The following DOK3 variants were observed in gnomAD, a reference collection of about 807,000 sequenced individuals.
The protein encoded by DOK3 is Dok-like protein.
DOK3 carries 23 observed loss-of-function variants against 26.2 expected under a neutral mutation model. The observed-to-expected ratio is 0.88, with a 90% CI of 0.63 to 1.24. The LOEUF is 1.24. Among genes scored for constraint, DOK3 ranks in the 50% most tolerant of loss-of-function variants. The probability of loss-of-function intolerance (pLI) is 0.00; values close to 1 mark genes in which losing one functional copy is unlikely to be tolerated. For missense variants in DOK3, 619 were observed against 610.6 expected (o/e 1.01, Z -0.15); for synonymous variants, 268 against 268.2 (o/e 1.00, Z 0.01).
chr5:177,508,472 C>T lies in DOK3; in HGVS notation c.137G>A (p.Trp46Ter), dbSNP rs1438896537. The part of the protein sequence containing the change: ...GPSGVARLES[W>*]EVRDGGLGAA... ...TCCCAGGCCACCATCCCGGACCTCC[C>T]AGCTCTCCAGCCGTGCCACGCCTGA... Residue 46 changes from tryptophan to a stop codon, truncating the protein, a stop_gained, in exon 3 of 6, where the codon TGG (tryptophan) becomes TAG (stop). Transcript: ENST00000510898. LOFTEE classifies it high-confidence loss of function. The T allele has an allele frequency of 1.3e-6, 2 of 1,590,274 alleles. No individual in the cohort carries two copies. The highest frequency in any genetic ancestry group is 1.7e-6 in the Non-Finnish European group (2 of 1,169,432).
chr5:177,509,702 G>A, intron 1 of DOK3, 45 bp from the exon 2 acceptor site: 1 of 1,605,938 alleles, frequency 6.2e-7, no homozygotes, highest in Non-Finnish European at 8.5e-7. Flanking sequence ...TCAGGGGCTG[G>A]GGGCAGCATG....
At chr5:177,505,355 C>G (rs1759976891) in intron 3 of DOK3, among the ~76,000 whole-genome samples, 1 of 152,138 alleles carries the variant, frequency 6.6e-6, no homozygotes, top group African/African-American at 2.4e-5. Context: ...AGCTGCAGAT[C>G]ACTGGGGACA....
rs1223766749 is a variant in DOK3 at position 177,503,707 on chromosome 5, C to G, written c.*276G>C. 5.0e-6 allele frequency: 7 copies of G among 1,404,316 alleles called. No individual in the cohort carries two copies. Among genetic ancestry groups the G allele is most frequent in the Non-Finnish European group, 6.5e-6 (7 of 1,083,746 alleles). The allele number at this position is 1,404,316 out of a possible 1,614,324, so 87.0% of individuals were successfully genotyped here. On this transcript the variant is annotated 3_prime_UTR_variant, in exon 6 of 6. Coordinates refer to ENST00000510898, the MANE Select transcript of DOK3 (RefSeq NM_001308236.3). ...GTCACCTGTGCCCCTGGAACCGGCA[C>G]AGGGTGCTTGTGTTGGCCGCAATGA...
Position 177,504,114 on chromosome 5 carries a change from G to C in DOK3, c.1192C>G (p.Arg398Gly). ...ANDSTLEAQY[R>G]RLLELDQVEG... ...ACCTGATCCAGCTCCAGCAGCCGCCGGTACTGGGCCTCCAGGGTACTGTCG... is the reference window on the plus strand; with the variant it reads ...ACCTGATCCAGCTCCAGCAGCCGCCCGTACTGGGCCTCCAGGGTACTGTCG... Residue 398 changes from arginine (R) to glycine (G), a missense_variant, in exon 6 of 6, where the codon CGG (arginine) becomes GGG (glycine). Physicochemically the swap from Arg to Gly is moderately radical, Grantham distance 125. Transcript: ENST00000510898. 6.2e-7 allele frequency: 1 copy of C among 1,613,614 alleles called. No homozygotes were observed. The highest frequency in any genetic ancestry group is 1.1e-5 in the South Asian group (1 of 90,990).
chr5:177,503,244 C>T lies in DOK3; in HGVS notation c.*739G>A. 6.4e-7 allele frequency: 1 copy of T among 1,551,600 alleles called. No homozygotes were observed. Among genetic ancestry groups the T allele is most frequent in the Non-Finnish European group, 8.7e-7 (1 of 1,146,904 alleles). ...GAATGTCGGCTCCCGGAGAACAGGA[C>T]CAAGGCTGTCCTGAACACGGCTGTG... On this transcript the variant is annotated 3_prime_UTR_variant, in exon 6 of 6. Coordinates refer to ENST00000510898, the MANE Select transcript of DOK3 (RefSeq NM_001308236.3).
intron 3 of DOK3, among the ~76,000 whole-genome samples, chr5:177,507,453 G>A (rs1454159857): frequency 6.6e-6 from 1 of 152,108 alleles, no homozygotes; most frequent in Non-Finnish European, 1.5e-5. Context: ...GGACGTTCAT[G>A]TCCATGTGGG....
At position 177,508,441 on chromosome 5, in the gene DOK3, C is replaced by T. The variant is rs116453223; in HGVS notation, c.168G>A (p.Ala56=). ...GGCCAGGCCCTGCCGACCTGTCACCCGCTGCTCCCAGGCCACCATCCCGGA... is the reference window on the plus strand; with the variant it reads ...GGCCAGGCCCTGCCGACCTGTCACCTGCTGCTCCCAGGCCACCATCCCGGA... The part of the protein sequence containing the change: ...WEVRDGGLGA[A]GDRSAGPGRR... Residue 56 remains alanine, a synonymous_variant, in exon 3 of 6, where the codon GCG becomes GCA. Coordinates refer to ENST00000510898, the MANE Select transcript of DOK3 (RefSeq NM_001308236.3). 1,758 of 1,596,810 alleles carry T rather than the reference C, an allele frequency of 1.1e-3. 15 individuals are homozygous for T. In the African/African-American group the frequency reaches 0.022, roughly 20 times the overall value.
At position 177,504,613 on chromosome 5, in the gene DOK3, G is replaced by T. The variant is rs753969905; in HGVS notation, c.693C>A (p.Gly231=). The change falls in exon 6 of 6, where the codon GGC becomes GGA. Residue 231 remains glycine, a synonymous_variant. Coordinates refer to ENST00000510898, the MANE Select transcript of DOK3 (RefSeq NM_001308236.3). ...CACAGGGGGTGCTGAAGGCAAAGAG[G>T]CCCTCACCCGAGTGGCAGCGACGGC... ...EAGRRCHSGE[G]LFAFSTPCAP... 1 of 1,611,602 alleles carries T rather than the reference G, an allele frequency of 6.2e-7. No homozygotes were observed. The highest frequency in any genetic ancestry group is 1.1e-5 in the South Asian group (1 of 90,986).
At position 177,503,267 on chromosome 5, in the gene DOK3, G is replaced by A; in HGVS notation, c.*716C>T. On this transcript the variant is annotated 3_prime_UTR_variant, in exon 6 of 6. Coordinates refer to ENST00000510898, the MANE Select transcript of DOK3 (RefSeq NM_001308236.3). ...GACCAAGGCTGTCCTGAACACGGCT[G>A]TGTCCCCCAGCGCCTGGCACTGAGT... 1 of 1,551,240 alleles carries A rather than the reference G, an allele frequency of 6.4e-7. No individual in the cohort carries two copies. The highest frequency in any genetic ancestry group is 2.4e-5 in the East Asian group (1 of 40,914).
rs753969061 is a variant in DOK3 at position 177,504,665 on chromosome 5, G to A, written c.646-5C>T. 2 of 1,613,304 alleles carry A rather than the reference G, an allele frequency of 1.2e-6. No homozygotes were observed. The highest frequency in any genetic ancestry group is 2.2e-5 in the East Asian group (1 of 44,878). On this transcript the variant is annotated splice_region_variant and splice_polypyrimidine_tract_variant and intron_variant, in intron 5 of 5. Transcript: ENST00000510898. ...GGCCTCAAAGGAGAACACGCCCTGGGCACAGGGCACACGGGTGGGGATTAG... is the reference window on the plus strand; with the variant it reads ...GGCCTCAAAGGAGAACACGCCCTGGACACAGGGCACACGGGTGGGGATTAG...
chr5:177,508,361 G>A lies in DOK3; in HGVS notation c.248C>T (p.Ala83Val). ...RLADCVSVLPADGESCPRDTG... is the reference protein window; with the variant it reads ...RLADCVSVLPVDGESCPRDTG... Reference sequence around the variant, plus strand: ...GTCCCGGGGGCAGCTCTCGCCGTCAGCCGGCAGCACGGACACACAGTCAGC... The same window carrying A: ...GTCCCGGGGGCAGCTCTCGCCGTCAACCGGCAGCACGGACACACAGTCAGC... Residue 83 changes from alanine (A) to valine (V), a missense_variant, in exon 3 of 6, where the codon GCT becomes GTT. Ala to Val is a moderately conservative substitution (Grantham distance 64). Transcript: ENST00000510898. 5 of 1,601,426 alleles carry A rather than the reference G, an allele frequency of 3.1e-6. No homozygotes were observed. Among genetic ancestry groups the A allele is most frequent in the Non-Finnish European group, 4.2e-6 (5 of 1,178,790 alleles).
intron 3 of DOK3, among the ~76,000 whole-genome samples, chr5:177,506,048 G>A (rs1243003016): frequency 6.6e-6 from 1 of 151,298 alleles, no homozygotes; most frequent in African/African-American, 2.4e-5. Flanking sequence ...CGCCTCCCGG[G>A]TTTAAGTGAT....
In DOK3 at chr5:177,502,950, G is replaced by A. The variant is rs888716101; in HGVS notation, c.*1033C>T. The A allele has an allele frequency of 2.7e-5, 31 of 1,158,548 alleles. No individual in the cohort carries two copies. The highest frequency in any genetic ancestry group is 3.4e-5 in the Non-Finnish European group (28 of 830,268). 71.8% of individuals were successfully genotyped at this position (1,158,548 alleles called of 1,614,324 possible). Reference sequence around the variant, plus strand: ...TGCCTAGGCAGGGGCGGTACTGGCCGCACTAAAGGAAGTGAGCTGGAAGGA... The same window carrying A: ...TGCCTAGGCAGGGGCGGTACTGGCCACACTAAAGGAAGTGAGCTGGAAGGA... On this transcript the variant is annotated 3_prime_UTR_variant, in exon 6 of 6. Transcript: ENST00000510898.
chr5:177,505,084 G>A lies in DOK3; in HGVS notation c.399C>T (p.Ser133=). 1.2e-6 allele frequency: 2 copies of A among 1,611,962 alleles called. No individual in the cohort carries two copies. The highest frequency in any genetic ancestry group is 1.1e-5 in the South Asian group (1 of 90,852). ...FPGTGEASSG[S]TDAQSPKRGL... is the part of the protein sequence containing the mutation. Reference sequence around the variant, plus strand: ...CCCTCTTGGGAGACTGGGCATCTGTGGATCCTGAGGAGGCCTCCCCTGTCC... The same window carrying A: ...CCCTCTTGGGAGACTGGGCATCTGTAGATCCTGAGGAGGCCTCCCCTGTCC... The change falls in exon 4 of 6, where the codon TCC becomes TCT. Residue 133 remains serine, a synonymous_variant. Coordinates refer to ENST00000510898, the MANE Select transcript of DOK3 (RefSeq NM_001308236.3).
chr5:177,509,227 C>A (rs1400433762), intron 2 of DOK3: 2 of 476,110 alleles, frequency 4.2e-6, no homozygotes, highest in Admixed American at 4.0e-5. Context: ...TTTGAGCCTT[C>A]GACCCTCTCC....
At chr5:177,506,353 CAA>C (rs1760157788) in intron 3 of DOK3, among the ~76,000 whole-genome samples, 1 of 122,786 alleles carries the variant, frequency 8.1e-6, no homozygotes. Flanking sequence ...TTTTTTGAGA[CAA>C]AGTCTTGCTC....
chr5:177,509,703 G>C, intron 1 of DOK3, 46 bp from the exon 2 acceptor site: 2 of 1,606,796 alleles, frequency 1.2e-6, no homozygotes, highest in Non-Finnish European at 1.7e-6. Context: ...CAGGGGCTGG[G>C]GGCAGCATGT....
Position 177,504,741 on chromosome 5 carries a change from A to C in DOK3, c.645+2T>G. The stretch of plus-strand genomic sequence containing the variant: ...TCACCCTTTCCCACCCCTGCACCTC[A>C]CCTTGTCGGAGCCGAACTTGCGCAG... On this transcript the variant is annotated splice_donor_variant, in intron 5 of 5. Coordinates refer to ENST00000510898, the MANE Select transcript of DOK3 (RefSeq NM_001308236.3). LOFTEE classifies it high-confidence loss of function. The C allele has an allele frequency of 1.2e-6, 2 of 1,613,938 alleles. No individual in the cohort carries two copies. The highest frequency in any genetic ancestry group is 1.7e-6 in the Non-Finnish European group (2 of 1,179,904).
intron 3 of DOK3, 130 bp downstream of exon 3, chr5:177,508,107 T>C: frequency 3.5e-6 from 4 of 1,153,900 alleles, no homozygotes; most frequent in Non-Finnish European, 4.6e-6. Flanking sequence ...CTGAGAGTCA[T>C]TATAGATTTA....
Sources: allele counts gnomAD v4.1 joint callset (sites outside exome capture counted in the v4.1 genomes callset), GRCh38; gene constraint gnomAD v4.1.1; transcripts MANE v1.5; gene names NCBI Gene and HGNC (gene_info 2026-07-23, HGNC 2026-07-21).